The following AKNA variants were observed in gnomAD, a reference collection of about 807,000 sequenced individuals.
AKNA encodes AT-hook transcription factor.
AKNA carries 67 observed loss-of-function variants against 138.8 expected under a neutral mutation model. The ratio of observed to expected loss-of-function variants is 0.48; its 90% CI spans 0.40 to 0.59. AKNA has a LOEUF of 0.59. Among genes scored for constraint, AKNA ranks in the 20% least tolerant of loss-of-function variants. AKNA has a pLI of 0.00. For synonymous variants in AKNA, 737 were observed against 754.4 expected (o/e 0.98, Z 0.38); for missense variants, 1,813 against 1,880.4 (o/e 0.96, Z 0.66).
In AKNA at chr9:114,377,257, A is replaced by G; in HGVS notation, c.550T>C (p.Ser184Pro). Residue 184 changes from serine (S) to proline (P), a missense_variant, in exon 3 of 22, where the codon TCT becomes CCT. Physicochemically the swap from Ser to Pro is moderately conservative, Grantham distance 74. Transcript: ENST00000374088. ...SGEQASGDKLSEHSEVNPSVE... is the reference protein window; with the variant it reads ...SGEQASGDKLPEHSEVNPSVE... ...GATGGGTTGACCTCGGAATGTTCAG[A>G]AAGTTTGTCCCCACTGGCTTGTTCG... The G allele has an allele frequency of 6.2e-7, 1 of 1,614,132 alleles. No homozygotes were observed. Among genetic ancestry groups the G allele is most frequent in the Non-Finnish European group, 8.5e-7 (1 of 1,180,016 alleles).
At chr9:114,390,141 C>T (rs1438133851), upstream of AKNA, among the ~76,000 whole-genome samples, 2 of 152,166 alleles carry the variant, frequency 1.3e-5, no homozygotes, top group African/African-American at 4.8e-5. Flanking sequence ...TGGATAACCC[C>T]AAACCCATCT....
Position 114,341,495 on chromosome 9 carries a change from T to C in AKNA, c.4067+38A>G, listed in dbSNP as rs576773974. 150 of 1,612,826 alleles carry C rather than the reference T, an allele frequency of 9.3e-5. 2 individuals carry two copies. In the South Asian group the frequency reaches 1.6e-3, roughly 17 times the overall value. ...GAATGCTAACATATTCAGTGATCTA[T>C]AGAAAGAGGCTGGGAAGGTCAGAAT... On this transcript the variant is annotated intron_variant, in intron 21 of 21. Coordinates refer to ENST00000374088, the MANE Select transcript of AKNA (RefSeq NM_001317950.2).
At chr9:114,333,035 T>C (rs757954876), downstream of AKNA, 2 of 1,595,382 alleles carry the variant, frequency 1.3e-6, no homozygotes, top group Non-Finnish European at 1.7e-6. Flanking sequence ...ATGCCTCTGC[T>C]TCTCCCTCAC....
chr9:114,330,705 G>A (rs1288130572), downstream of AKNA: 30 of 1,598,892 alleles, frequency 1.9e-5, no homozygotes, highest in South Asian at 1.9e-4. Context: ...ATCTCCACCA[G>A]ACTCTTGCCC....
At chr9:114,343,940 G>T in intron 18 of AKNA, 137 bp from the exon 19 acceptor site, 1 of 715,148 alleles carries the variant, frequency 1.4e-6, no homozygotes. Context: ...TGCACACGGT[G>T]AGTGTGCATA....
At chr9:114,374,247 C>A (rs1355546585) in intron 3 of AKNA, 80 bp from the exon 4 acceptor site, 1 of 1,368,570 alleles carries the variant, frequency 7.3e-7, no homozygotes, top group Non-Finnish European at 1.0e-6. Context: ...TGATAGCAAA[C>A]CCCCTTCCAT....
At chr9:114,372,167 T>A (rs1832813934) in intron 4 of AKNA, among the ~76,000 whole-genome samples, 1 of 152,078 alleles carries the variant, frequency 6.6e-6, no homozygotes, top group South Asian at 2.1e-4. Context: ...TTCTTGAGGC[T>A]GAGAGAGGGG....
At chr9:114,374,013 G>C in intron 4 of AKNA, 80 bp downstream of exon 4, 1 of 1,430,734 alleles carries the variant, frequency 7.0e-7, no homozygotes, top group Non-Finnish European at 9.6e-7. Context: ...AGGAGGCAGT[G>C]GCCTTTCTCT....
chr9:114,365,498 T>C (rs919306095), intron 6 of AKNA, among the ~76,000 whole-genome samples: 2 of 152,070 alleles, frequency 1.3e-5, no homozygotes, highest in Non-Finnish European at 2.9e-5. Context: ...AGGCAAGGGA[T>C]GATGTAAGGT....
Position 114,370,528 on chromosome 9 carries a change from A to G in AKNA, c.1417-1933T>C, listed in dbSNP as rs1832694053. 7.5e-5 allele frequency among the ~76,000 whole-genome samples: 11 copies of G among 147,520 alleles called. No homozygotes were observed. The South Asian group carries it at 2.0e-3, about 27-fold the overall frequency. On this transcript the variant is annotated intron_variant, in intron 4 of 21. Coordinates refer to ENST00000374088, the MANE Select transcript of AKNA (RefSeq NM_001317950.2). Reference sequence around the variant, plus strand: ...GCCCAGGCAGAGCGATGAGGTGGGGAGTGGCGGTGGGGGTGGGGGTGGCAG... The same window carrying G: ...GCCCAGGCAGAGCGATGAGGTGGGGGGTGGCGGTGGGGGTGGGGGTGGCAG...
chr9:114,358,992 GAC>G (rs1831715373), intron 11 of AKNA: 1 of 153,560 alleles, frequency 6.5e-6, no homozygotes, highest in Non-Finnish European at 1.4e-5. Context: ...AAATAAAAAA[GAC>G]ACCACAGCAC....
chr9:114,355,662 TGCA>T (rs1831447320), intron 14 of AKNA, among the ~76,000 whole-genome samples: 1 of 152,246 alleles, frequency 6.6e-6, no homozygotes, highest in African/African-American at 2.4e-5. Context: ...AACGTTGCTA[TGCA>T]GTGCATGACA....
intron 3 of AKNA, among the ~76,000 whole-genome samples, chr9:114,375,021 G>A (rs1833063380): frequency 6.6e-6 from 1 of 152,300 alleles, no homozygotes; most frequent in African/African-American, 2.4e-5. Context: ...GACCATCAGA[G>A]GCTGTCAAAA....
chr9:114,379,476 G>A (rs925858646), intron 2 of AKNA, among the ~76,000 whole-genome samples: 9 of 152,198 alleles, frequency 5.9e-5, no homozygotes, highest in African/African-American at 1.9e-4. Flanking sequence ...TCCCCTGCTG[G>A]AGAGAGAGCT....
At chr9:114,370,983 A>C (rs1023797287) in intron 4 of AKNA, among the ~76,000 whole-genome samples, 1 of 152,222 alleles carries the variant, frequency 6.6e-6, no homozygotes, top group Admixed American at 6.5e-5. Context: ...CAGCTCTTCC[A>C]GATCCCTCTT....
chr9:114,337,534 G>A (rs1437521238), intron 21 of AKNA, among the ~76,000 whole-genome samples: 1 of 152,136 alleles, frequency 6.6e-6, no homozygotes, highest in African/African-American at 2.4e-5. Context: ...CAGAACAGGT[G>A]TTCAAGGACA....
chr9:114,339,727 G>T (rs1255561401), intron 21 of AKNA, among the ~76,000 whole-genome samples: 1 of 152,204 alleles, frequency 6.6e-6, no homozygotes, highest in East Asian at 1.9e-4. Flanking sequence ...TGAGCATGCA[G>T]CATTGGTTCT....
chr9:114,380,914 C>T, intron 2 of AKNA, 146 bp downstream of exon 2: 1 of 898,382 alleles, frequency 1.1e-6, no homozygotes, highest in East Asian at 3.2e-5. Context: ...ACCCAGGAGG[C>T]AGAGGCTGTA....
intron 16 of AKNA, 129 bp downstream of exon 16, chr9:114,347,591 GTGAA>G (rs1830774925): frequency 1.4e-5 from 13 of 937,412 alleles, no homozygotes; most frequent in East Asian, 2.9e-5. Flanking sequence ...AAGCTCAACA[GTGAA>G]TGAATGAATG....
Sources: allele counts gnomAD v4.1 joint callset (sites outside exome capture counted in the v4.1 genomes callset), GRCh38; gene constraint gnomAD v4.1.1; transcripts MANE v1.5; gene names NCBI Gene and HGNC (gene_info 2026-07-23, HGNC 2026-07-21).